CPXM2: variants seen among roughly 807,000 people sequenced by gnomAD.
The protein encoded by CPXM2 is carboxypeptidase X, M14 family member 2, also known as inactive carboxypeptidase-like protein X2.
CPXM2 carries 66 observed loss-of-function variants against 86.1 expected under a neutral mutation model. The ratio of observed to expected loss-of-function variants is 0.77; its 90% CI spans 0.63 to 0.94. CPXM2 has a LOEUF of 0.94. Among genes scored for constraint, CPXM2 ranks in the 40% least tolerant of loss-of-function variants. The probability of loss-of-function intolerance (pLI) is 0.00; values close to 1 mark genes in which losing one functional copy is unlikely to be tolerated. For synonymous variants in CPXM2, 388 were observed against 400.2 expected, an observed-to-expected ratio of 0.97 and a Z score of 0.36; for missense variants, 948 against 1,026.3, an observed-to-expected ratio of 0.92 and a Z score of 1.04.
At chr10:123,764,270 A>C (rs1846417959) in intron 10 of CPXM2, among the ~76,000 whole-genome samples, 1 of 152,184 alleles carries the variant, frequency 6.6e-6, no homozygotes, top group African/African-American at 2.4e-5. Context: ...ATCTCCATGT[A>C]GTCGAATTTA....
rs1413087300 is a variant in CPXM2 at position 123,785,687 on chromosome 10, C to T, written c.890-5432G>A. Among the ~76,000 whole-genome samples the T allele has an allele frequency of 1.0e-4, 15 of 148,376 alleles. No individual in the cohort carries two copies. In the Admixed American group the frequency reaches 1.0e-3, roughly 10 times the overall value. ...CTTGCTCATTGCCCAGGCTGGAGTA[C>T]AGAGGCGCGATCTCGGCTCACTGCA... On this transcript the variant is annotated intron_variant, in intron 6 of 13. Coordinates refer to ENST00000241305, the MANE Select transcript of CPXM2 (RefSeq NM_198148.3).
rs11299200 is a variant in CPXM2 at position 123,862,734 on chromosome 10, CA to C, written c.404-12del. 0.79 allele frequency: 1,260,904 copies of C among 1,606,218 alleles called. 497,782 individuals are homozygous for C. The highest frequency in any genetic ancestry group is 0.94 in the African/African-American group (70,455 of 74,870). ...CAAGAGGTGGGCAACCTGGAAAGGA[CA>C]AATGCTTGTTAAAAACAACGACAGA... On this transcript the variant is annotated splice_polypyrimidine_tract_variant and intron_variant, in intron 2 of 13. Transcript: ENST00000241305.
chr10:123,923,391 T>C (rs1298846743), intron 2 of CPXM2, among the ~76,000 whole-genome samples: 6 of 146,864 alleles, frequency 4.1e-5, no homozygotes, highest in Non-Finnish European at 7.5e-5. Context: ...CCATCCTGGC[T>C]AACACAGTGA....
intron 2 of CPXM2, among the ~76,000 whole-genome samples, chr10:123,876,790 G>A (rs1944995886): frequency 1.3e-5 from 2 of 152,170 alleles, no homozygotes; most frequent in Non-Finnish European, 1.5e-5. Flanking sequence ...CACAGCTAAT[G>A]TTTGCTGAGA....
At chr10:123,906,062 C>T (rs1945436620) in intron 2 of CPXM2, among the ~76,000 whole-genome samples, 1 of 152,206 alleles carries the variant, frequency 6.6e-6, no homozygotes, top group Non-Finnish European at 1.5e-5. Context: ...CGCACCTTTG[C>T]TCTCACATCC....
chr10:123,922,013 G>T (rs537460274), intron 2 of CPXM2, among the ~76,000 whole-genome samples: 61 of 152,236 alleles, frequency 4.0e-4, no homozygotes, highest in Admixed American at 2.2e-3. Context: ...CTTTAAAGAA[G>T]AATGTATCTT....
At chr10:123,791,670 C>G (rs1847210148) in intron 6 of CPXM2, among the ~76,000 whole-genome samples, 1 of 152,232 alleles carries the variant, frequency 6.6e-6, no homozygotes. Context: ...ATGACCTCCT[C>G]TTGATTGATA....
intron 2 of CPXM2, among the ~76,000 whole-genome samples, chr10:123,866,589 C>CA: frequency 6.6e-6 from 1 of 151,660 alleles, no homozygotes; most frequent in South Asian, 2.1e-4. Flanking sequence ...AGTTTAAACT[C>CA]AGACGACTTG....
Position 123,770,988 on chromosome 10 carries a change from T to C in CPXM2, c.1030A>G (p.Ile344Val). The change falls in exon 8 of 14, where the codon ATT becomes GTT. Residue 344 changes from isoleucine to valine, a missense_variant. Coordinates refer to ENST00000241305, the MANE Select transcript of CPXM2 (RefSeq NM_198148.3). ...MCPNITRIYNIGKSHQGLKLY... is the reference protein window; with the variant it reads ...MCPNITRIYNVGKSHQGLKLY... ...TTCAGGCCCTGGTGGCTTTTTCCAA[T>C]GTTGTAAATTCTGGTGATATTGGGA... 6.2e-7 allele frequency: 1 copy of C among 1,613,804 alleles called. No homozygotes were observed. Among genetic ancestry groups the C allele is most frequent in the South Asian group, 1.1e-5 (1 of 91,080 alleles).
At chr10:123,828,285 C>T (rs970553479) in intron 4 of CPXM2, among the ~76,000 whole-genome samples, 3 of 152,170 alleles carry the variant, frequency 2.0e-5, no homozygotes, top group Admixed American at 6.5e-5. Flanking sequence ...TAGATCTTTT[C>T]AACAATTGGT....
At chr10:123,771,799 T>G (rs1846639525) in intron 7 of CPXM2, among the ~76,000 whole-genome samples, 1 of 152,158 alleles carries the variant, frequency 6.6e-6, no homozygotes, top group Non-Finnish European at 1.5e-5. Flanking sequence ...GATAGTGAGT[T>G]CTCACAACAT....
At chr10:123,941,879 A>G (rs1317984121), upstream of CPXM2, among the ~76,000 whole-genome samples, 1 of 152,252 alleles carries the variant, frequency 6.6e-6, no homozygotes, top group Non-Finnish European at 1.5e-5. Context: ...GGAAACAGGC[A>G]AACCCAGAAT....
chr10:123,809,257 T>C (rs1308763955), intron 4 of CPXM2, among the ~76,000 whole-genome samples: 1 of 152,146 alleles, frequency 6.6e-6, no homozygotes, highest in African/African-American at 2.4e-5. Flanking sequence ...AGAGAAGCCA[T>C]AAAGTGTTTC....
At chr10:123,923,562 CAG>C (rs1384925576) in intron 2 of CPXM2, among the ~76,000 whole-genome samples, 3 of 147,886 alleles carry the variant, frequency 2.0e-5, no homozygotes, top group African/African-American at 5.0e-5. Context: ...GCCTGGGCGA[CAG>C]AGCGAGACTC....
At chr10:123,905,604 C>T (rs1389615665) in intron 2 of CPXM2, among the ~76,000 whole-genome samples, 1 of 152,164 alleles carries the variant, frequency 6.6e-6, no homozygotes, top group Non-Finnish European at 1.5e-5. Flanking sequence ...GATTCCAGAC[C>T]TCCTCTGGCC....
At chr10:123,924,298 T>C (rs1465571366) in intron 2 of CPXM2, among the ~76,000 whole-genome samples, 4 of 152,114 alleles carry the variant, frequency 2.6e-5, no homozygotes, top group Non-Finnish European at 5.9e-5. Flanking sequence ...AAATAGCGGG[T>C]CCCCAGGTTA....
intron 12 of CPXM2, among the ~76,000 whole-genome samples, chr10:123,756,622 A>G (rs1423564273): frequency 6.6e-6 from 1 of 150,754 alleles, no homozygotes; most frequent in East Asian, 2.0e-4. Context: ...TAACCCCAGT[A>G]TCTCAGAATG....
intron 3 of CPXM2, among the ~76,000 whole-genome samples, chr10:123,842,846 A>T (rs958344285): frequency 3.9e-5 from 6 of 152,212 alleles, no homozygotes; most frequent in African/African-American, 1.2e-4. Context: ...TCCCTCCCAG[A>T]ACCTCGCCAT....
chr10:123,943,630 G>T (rs777246484), upstream of CPXM2, among the ~76,000 whole-genome samples: 3 of 152,176 alleles, frequency 2.0e-5, no homozygotes, highest in African/African-American at 4.8e-5. Context: ...AACAAACGAG[G>T]TCCTAAAAGC....
Sources: gnomAD v4.1 joint callset for allele counts (sites outside exome capture counted in the v4.1 genomes callset) on GRCh38, gnomAD v4.1.1 for gene constraint, MANE v1.5 for transcripts, NCBI Gene and HGNC (gene_info 2026-07-23, HGNC 2026-07-21) for gene names.